SLC12A7: variants seen among roughly 807,000 people sequenced by gnomAD.
SLC12A7 encodes the protein K-Cl cotransporter 4.
SLC12A7 carries 100 observed loss-of-function variants against 120.6 expected under a neutral mutation model. The observed-to-expected ratio is 0.83, with a 90% CI of 0.71 to 0.98. SLC12A7 has a LOEUF of 0.98. Among genes scored for constraint, SLC12A7 ranks in the 50% least tolerant of loss-of-function variants. SLC12A7 has a pLI of 0.00. For synonymous variants in SLC12A7, 760 were observed against 678.0 expected, an observed-to-expected ratio of 1.12 and a Z score of -1.88; for missense variants, 1,373 against 1,548.1, an observed-to-expected ratio of 0.89 and a Z score of 1.90.
At chr5:1,139,070 G>GT in the SLC12A7 span, among the ~76,000 whole-genome samples, 1 of 53,034 alleles carries the variant, frequency 1.9e-5, no homozygotes, top group Non-Finnish European at 3.1e-5. Context: ...CTTGGGGTGG[G>GT]GGGGGGGCTC....
At chr5:1,078,821 G>A (rs1738662533) in intron 10 of SLC12A7, 63 bp from the exon 11 acceptor site, 3 of 636,496 alleles carry the variant, frequency 4.7e-6, no homozygotes, top group East Asian at 2.8e-5. Flanking sequence ...CGGGGGGTGG[G>A]GTGGGGTGGG....
At chr5:1,078,209 G>A (rs1240103779) in intron 11 of SLC12A7, among the ~76,000 whole-genome samples, 1 of 152,182 alleles carries the variant, frequency 6.6e-6, no homozygotes, top group Non-Finnish European at 1.5e-5. Flanking sequence ...AGGGTCTTCA[G>A]CGGGGGAGGG....
intron 17 of SLC12A7, among the ~76,000 whole-genome samples, chr5:1,067,325 G>C (rs541629263): frequency 1.3e-5 from 2 of 152,230 alleles, no homozygotes; most frequent in African/African-American, 4.8e-5. Context: ...CGGACGCTGC[G>C]GGGTGGACAC....
At chr5:1,069,918 G>C (rs920087639) in intron 17 of SLC12A7, among the ~76,000 whole-genome samples, 19 of 152,090 alleles carry the variant, frequency 1.2e-4, no homozygotes, top group Admixed American at 2.0e-4. Flanking sequence ...TACACGCCCG[G>C]GGCACTCACC....
the SLC12A7 span, among the ~76,000 whole-genome samples, chr5:1,137,301 C>T: frequency 1.3e-5 from 2 of 152,152 alleles, no homozygotes; most frequent in East Asian, 1.9e-4. Flanking sequence ...ATCTGTGCCC[C>T]GAGAAACCAA....
chr5:1,131,545 C>G, the SLC12A7 span, among the ~76,000 whole-genome samples: 1 of 152,206 alleles, frequency 6.6e-6, no homozygotes, highest in African/African-American at 2.4e-5. Context: ...AGGGCATGCT[C>G]CGGGCAACCT....
chr5:1,111,972 A>G lies in SLC12A7; in HGVS notation c.20T>C (p.Val7Ala). 1 of 1,290,412 alleles carries G rather than the reference A, an allele frequency of 7.7e-7. No homozygotes were observed. Among genetic ancestry groups the G allele is most frequent in the Non-Finnish European group, 9.8e-7 (1 of 1,018,992 alleles). 79.9% of individuals were successfully genotyped at this position (1,290,412 alleles called of 1,614,324 possible). A position where few individuals can be genotyped will look rare whatever the true frequency, so the allele number is the denominator to read the frequency against. The change falls in exon 1 of 24, where the codon GTG (valine) becomes GCG (alanine). Residue 7 changes from valine to alanine, a missense_variant. Physicochemically the swap from Val to Ala is moderately conservative, Grantham distance 64. Coordinates refer to ENST00000264930, the MANE Select transcript of SLC12A7 (RefSeq NM_006598.3). ...GTCGGCGTGAGCCTCCACGGGCACC[A>G]CGGTGAAGTTGGTGGGCATGGCCGC... is the stretch of plus-strand genomic sequence containing the variant. MPTNFT[V>A]VPVEAHADGG...
At chr5:1,076,082 A>AG in intron 14 of SLC12A7, 56 bp downstream of exon 14, 1 of 1,455,526 alleles carries the variant, frequency 6.9e-7, no homozygotes, top group Non-Finnish European at 9.4e-7. Context: ...CCAGTGGCAG[A>AG]GGCACCCAGT....
chr5:1,064,832 GA>G (rs1212555472), intron 18 of SLC12A7, among the ~76,000 whole-genome samples: 2 of 148,372 alleles, frequency 1.3e-5, no homozygotes, highest in African/African-American at 5.0e-5. Context: ...ACGGCGAGGG[GA>G]CGGCGAAGCG....
At chr5:1,151,656 G>C in the SLC12A7 span, among the ~76,000 whole-genome samples, 1 of 150,916 alleles carries the variant, frequency 6.6e-6, no homozygotes, top group Non-Finnish European at 1.5e-5. The surrounding 1 kb of genome is among the most constrained non-coding windows in gnomAD (Gnocchi z 6.2). Flanking sequence ...GAGGGACCCT[G>C]AGTTCCAGCC....
Position 1,097,017 on chromosome 5 carries a change from C to T in SLC12A7, c.125-2769G>A, listed in dbSNP as rs540900659. Among the ~76,000 whole-genome samples the T allele has an allele frequency of 2.2e-3, 340 of 152,246 alleles. 1 individual carries two copies. The highest frequency in any genetic ancestry group is 2.4e-3 in the Non-Finnish European group (160 of 68,004). ...GGACAAAGTCACAGCTGCTTGGGCTCAAGTTTCTCTTCCCCGCAGGAAGGG... is the reference window on the plus strand; with the variant it reads ...GGACAAAGTCACAGCTGCTTGGGCTTAAGTTTCTCTTCCCCGCAGGAAGGG... On this transcript the variant is annotated intron_variant, in intron 1 of 23. Coordinates refer to ENST00000264930, the MANE Select transcript of SLC12A7 (RefSeq NM_006598.3).
At position 1,050,955 on chromosome 5, in the gene SLC12A7, C is replaced by T. The variant is rs532645007; in HGVS notation, c.*1405G>A. The stretch of plus-strand genomic sequence containing the variant: ...CCCTTGGGAGACCATGCAAGCCAGA[C>T]GTAGCCCAAGGCCTGGCCATCTGGG... On this transcript the variant is annotated 3_prime_UTR_variant, in exon 24 of 24. Coordinates refer to ENST00000264930, the MANE Select transcript of SLC12A7 (RefSeq NM_006598.3). 1.9e-4 allele frequency: 76 copies of T among 398,674 alleles called. No individual in the cohort carries two copies. The highest frequency in any genetic ancestry group is 1.3e-3 in the African/African-American group (63 of 48,768). The allele number at this position is 398,674 out of a possible 1,614,324, so 24.7% of individuals were successfully genotyped here. A position where few individuals can be genotyped will look rare whatever the true frequency, so the allele number is the denominator to read the frequency against.
chr5:1,124,385 A>C, the SLC12A7 span, among the ~76,000 whole-genome samples: 1 of 151,504 alleles, frequency 6.6e-6, no homozygotes, highest in Non-Finnish European at 1.5e-5. Flanking sequence ...CAAAGAAAAC[A>C]CAGAGGACAG....
At position 1,074,589 on chromosome 5, in the gene SLC12A7, G is replaced by T; in HGVS notation, c.2050C>A (p.Pro684Thr). The T allele has an allele frequency of 6.2e-7, 1 of 1,612,644 alleles. No homozygotes were observed. The highest frequency in any genetic ancestry group is 1.7e-5 in the Admixed American group (1 of 59,994). The change falls in exon 16 of 24, where the codon CCC (proline) becomes ACC (threonine). Residue 684 changes from proline to threonine, a missense_variant. Pro to Thr is a conservative substitution (Grantham distance 38). Transcript: ENST00000264930. ...CACCTCCAGTTCTTGGTGTGGGGGG[G>T]ACCGTGCTCCACGCGCAGCAGGGCG... is the stretch of plus-strand genomic sequence containing the variant. ...RYALLRVEHG[P>T]PHTKNWRPQV...
At chr5:1,155,884 C>T in the SLC12A7 span, among the ~76,000 whole-genome samples, 1 of 150,026 alleles carries the variant, frequency 6.7e-6, no homozygotes, top group African/African-American at 2.4e-5. Flanking sequence ...GCGACGGCTG[C>T]GGGGAGCGGG....
chr5:1,137,390 C>G, the SLC12A7 span, among the ~76,000 whole-genome samples: 1 of 152,230 alleles, frequency 6.6e-6, no homozygotes, highest in Non-Finnish European at 1.5e-5. Context: ...CCCTGACTGC[C>G]TGCCTCCCCA....
the SLC12A7 span, among the ~76,000 whole-genome samples, chr5:1,130,733 A>C: frequency 1.3e-5 from 2 of 152,196 alleles, no homozygotes; most frequent in East Asian, 1.9e-4. Context: ...GGACAGGTGC[A>C]CAGAGCTCCT....
chr5:1,078,714 C>G lies in SLC12A7; in HGVS notation c.1441G>C (p.Val481Leu), dbSNP rs1401757359. 1 of 1,612,332 alleles carries G rather than the reference C, an allele frequency of 6.2e-7. No homozygotes were observed. The highest frequency in any genetic ancestry group is 8.5e-7 in the Non-Finnish European group (1 of 1,179,714). ...VLFGACIEGV[V>L]LRDKFGEALQ... ...GTGGAAACGTACTTATCTCGTAAGA[C>G]CACGCCTTCAATGCAGGCCCCAAAC... Residue 481 changes from valine to leucine, a missense_variant, in exon 11 of 24, where the codon GTC (valine) becomes CTC (leucine). Coordinates refer to ENST00000264930, the MANE Select transcript of SLC12A7 (RefSeq NM_006598.3).
At chr5:1,113,121 C>T (rs528732454), upstream of SLC12A7, among the ~76,000 whole-genome samples, 4 of 152,306 alleles carry the variant, frequency 2.6e-5, no homozygotes, top group South Asian at 4.1e-4. Context: ...ATCAGATGTC[C>T]GTCAATGGGG....
Sources: gnomAD v4.1 joint callset for allele counts (sites outside exome capture counted in the v4.1 genomes callset) on GRCh38, gnomAD v4.1.1 for gene constraint, Gnocchi (gnomAD v3.1) non-coding constraint, MANE v1.5 for transcripts, NCBI Gene and HGNC (gene_info 2026-07-23, HGNC 2026-07-21) for gene names.